Variants in SAMMSON observed in about 807,000 individuals in gnomAD.
The protein encoded by SAMMSON is survival associated mitochondrial melanoma specific oncogenic non-coding RNA, also known as long intergenic non-protein coding RNA 1212.
intron 4 of SAMMSON, among the ~76,000 whole-genome samples, chr3:70,087,484 C>G (rs1346801661): frequency 6.6e-6 from 1 of 152,114 alleles, no homozygotes; most frequent in Non-Finnish European, 1.5e-5. Context: ...TGAAATGAAA[C>G]AGATCTATTG....
chr3:70,288,354 T>C (rs1423384221), intron 6 of SAMMSON, among the ~76,000 whole-genome samples: 5 of 131,566 alleles, frequency 3.8e-5, no homozygotes, highest in African/African-American at 8.9e-5. Flanking sequence ...TCAGTTTCCA[T>C]GTAGTTGAGC....
intron 9 of SAMMSON, among the ~76,000 whole-genome samples, chr3:70,364,377 T>C (rs972795321): frequency 1.7e-4 from 26 of 151,952 alleles, no homozygotes; most frequent in Admixed American, 1.6e-3. Flanking sequence ...TGGATTACAC[T>C]TTACTTCCTT....
intron 4 of SAMMSON, among the ~76,000 whole-genome samples, chr3:70,239,883 A>G (rs1209288996): frequency 6.6e-6 from 1 of 152,138 alleles, no homozygotes; most frequent in Non-Finnish European, 1.5e-5. Context: ...AATAAATGAG[A>G]CAATTAAGTC....
intron 4 of SAMMSON, among the ~76,000 whole-genome samples, chr3:70,121,169 G>A (rs1424198276): frequency 6.6e-6 from 1 of 152,176 alleles, no homozygotes; most frequent in Non-Finnish European, 1.5e-5. Flanking sequence ...GATCCGACAG[G>A]AGGCGGAGCT....
At chr3:70,240,290 GAAA>G (rs899409180) in intron 4 of SAMMSON, among the ~76,000 whole-genome samples, 2 of 150,284 alleles carry the variant, frequency 1.3e-5, no homozygotes, top group Non-Finnish European at 3.0e-5. Context: ...TCATCTTGGG[GAAA>G]AAAAACAGTA....
At chr3:70,252,239 G>C (rs922060039) in intron 6 of SAMMSON, among the ~76,000 whole-genome samples, 2 of 152,120 alleles carry the variant, frequency 1.3e-5, no homozygotes, top group African/African-American at 4.8e-5. Context: ...AGTTTCAGTG[G>C]AATTCTTATC....
At chr3:70,339,046 A>C (rs1225054369) in intron 7 of SAMMSON, among the ~76,000 whole-genome samples, 1 of 152,292 alleles carries the variant, frequency 6.6e-6, no homozygotes, top group East Asian at 1.9e-4. Context: ...ACTGGTACCA[A>C]AACAGAGATA....
chr3:70,327,716 T>C (rs1702589524), intron 7 of SAMMSON, among the ~76,000 whole-genome samples: 1 of 152,140 alleles, frequency 6.6e-6, no homozygotes, highest in Non-Finnish European at 1.5e-5. Context: ...CCACTGGGCA[T>C]CCAGTAAGTC....
At chr3:70,251,859 A>C (rs555635524) in intron 6 of SAMMSON, among the ~76,000 whole-genome samples, 3 of 152,200 alleles carry the variant, frequency 2.0e-5, no homozygotes, top group Admixed American at 6.5e-5. Context: ...GATAAGCAAG[A>C]AAGAAATAAA....
chr3:70,095,519 G>C (rs1422276728), intron 4 of SAMMSON, among the ~76,000 whole-genome samples: 2 of 152,068 alleles, frequency 1.3e-5, no homozygotes, highest in Non-Finnish European at 2.9e-5. Flanking sequence ...TTTCTTTGTA[G>C]GACTCGTCGT....
At chr3:70,278,535 A>C (rs1224306437) in intron 6 of SAMMSON, among the ~76,000 whole-genome samples, 1 of 152,238 alleles carries the variant, frequency 6.6e-6, no homozygotes, top group African/African-American at 2.4e-5. Flanking sequence ...ATGAGAGTTC[A>C]GTCACTCTGT....
chr3:70,191,126 C>A (rs868515432), intron 4 of SAMMSON, among the ~76,000 whole-genome samples: 1 of 152,046 alleles, frequency 6.6e-6, no homozygotes, highest in Non-Finnish European at 1.5e-5. Context: ...AATGAGGAAC[C>A]ATAGGCAGAA....
At chr3:70,169,400 C>G (rs2067652260) in intron 4 of SAMMSON, among the ~76,000 whole-genome samples, 1 of 151,914 alleles carries the variant, frequency 6.6e-6, no homozygotes, top group African/African-American at 2.4e-5. Context: ...CTTTATGGAT[C>G]TAGGAAAATG....
chr3:70,155,631 C>T (rs1037659043), intron 4 of SAMMSON, among the ~76,000 whole-genome samples: 1 of 152,148 alleles, frequency 6.6e-6, no homozygotes, highest in Non-Finnish European at 1.5e-5. Context: ...GTCAAATTGG[C>T]TTGGGCAGTA....
chr3:70,306,358 G>A (rs544320806), intron 7 of SAMMSON, among the ~76,000 whole-genome samples: 2 of 152,168 alleles, frequency 1.3e-5, no homozygotes, highest in East Asian at 1.9e-4. Flanking sequence ...TGATCTACCC[G>A]CCTCGGCCTC....
chr3:70,383,341 T>TAAAAAA (rs1463605579), intron 9 of SAMMSON, among the ~76,000 whole-genome samples: 1 of 99,526 alleles, frequency 1.0e-5, no homozygotes, highest in African/African-American at 3.8e-5. Context: ...TCCCTTAAAA[T>TAAAAAA]AAAAATAAAA....
chr3:70,230,818 G>C (rs1034468986), intron 4 of SAMMSON, among the ~76,000 whole-genome samples: 1 of 152,150 alleles, frequency 6.6e-6, no homozygotes, highest in Non-Finnish European at 1.5e-5. Flanking sequence ...TCAAATCTCA[G>C]GATGTTCATG....
chr3:70,002,104 C>T (rs2066908247), intron 1 of SAMMSON, among the ~76,000 whole-genome samples: 2 of 152,184 alleles, frequency 1.3e-5, no homozygotes, highest in Admixed American at 1.3e-4. Context: ...TATTTAACCA[C>T]TCCCTTGTAA....
intron 6 of SAMMSON, among the ~76,000 whole-genome samples, chr3:70,287,489 T>G (rs1195267213): frequency 6.6e-6 from 1 of 152,012 alleles, no homozygotes; most frequent in Non-Finnish European, 1.5e-5. Context: ...TTTGCATCAA[T>G]GTTCATTAAG....
Sources: allele counts gnomAD v4.1 joint callset (sites outside exome capture counted in the v4.1 genomes callset), GRCh38; gene constraint gnomAD v4.1.1; transcripts MANE v1.5; gene names NCBI Gene and HGNC (gene_info 2026-07-23, HGNC 2026-07-21).